SHLD2: variants seen among roughly 807,000 people sequenced by gnomAD.
The protein encoded by SHLD2 is RINN1-REV7-interacting novel NHEJ regulator 2.
Under a neutral mutation model 73.2 loss-of-function variants are expected in SHLD2, and 30 were observed. The observed-to-expected ratio is 0.41, with a 90% CI of 0.31 to 0.56. The LOEUF is 0.56. Among genes scored for constraint, SHLD2 ranks in the 20% least tolerant of loss-of-function variants. The probability of loss-of-function intolerance (pLI) is 0.28; values close to 1 mark genes in which losing one functional copy is unlikely to be tolerated. For missense variants in SHLD2, 745 were observed against 1,055.9 expected, an observed-to-expected ratio of 0.71 and a Z score of 4.08; for synonymous variants, 285 against 370.1, an observed-to-expected ratio of 0.77 and a Z score of 2.64.
At chr10:87,147,577 C>T (rs2258895) in intron 2 of SHLD2, among the ~76,000 whole-genome samples, 1 of 152,086 alleles carries the variant, frequency 6.6e-6, no homozygotes, top group Non-Finnish European at 1.5e-5. Flanking sequence ...ATGTCGTATA[C>T]ACCTTTTAAA....
At chr10:87,189,297 G>A (rs7902141) in intron 9 of SHLD2, among the ~76,000 whole-genome samples, 8,848 of 152,258 alleles carry the variant, frequency 0.058, 511 homozygotes, top group African/African-American at 0.16. Flanking sequence ...CACCGTGTCC[G>A]GCCTATCTCT....
At chr10:87,114,380 T>C (rs1212502628) in intron 2 of SHLD2, 1 of 152,222 alleles carries the variant, frequency 6.6e-6, no homozygotes, top group Non-Finnish European at 1.5e-5. Context: ...TTTAGCTTTC[T>C]CCTGGAGACT....
At chr10:87,098,973 A>C (rs1417754266) in intron 2 of SHLD2, among the ~76,000 whole-genome samples, 1 of 151,968 alleles carries the variant, frequency 6.6e-6, no homozygotes, top group Admixed American at 6.6e-5. Flanking sequence ...GTGGGGTTTC[A>C]CTATGTTGCC....
intron 2 of SHLD2, among the ~76,000 whole-genome samples, chr10:87,126,490 T>C (rs1844017966): frequency 6.6e-6 from 1 of 152,052 alleles, no homozygotes; most frequent in Admixed American, 6.6e-5. Context: ...TAACCTTCTG[T>C]ACTAACTAGA....
At chr10:87,164,419 A>G (rs1473235676) in intron 4 of SHLD2, among the ~76,000 whole-genome samples, 2 of 151,764 alleles carry the variant, frequency 1.3e-5, no homozygotes, top group African/African-American at 4.8e-5. Flanking sequence ...CGCCTGGCTA[A>G]TTTTTGTATT....
Position 87,158,060 on chromosome 10 carries a change from A to G in SHLD2, c.1538A>G (p.His513Arg), listed in dbSNP as rs376872876. ...DIILLTDVVI[H>R]EDQWIGETVL... ...TTTCTCTCTCTAGATGTTGTTATTCATGAGGACCAATGGATTGGCGAGACA... is the reference window on the plus strand; with the variant it reads ...TTTCTCTCTCTAGATGTTGTTATTCGTGAGGACCAATGGATTGGCGAGACA... The change falls in exon 4 of 10, where the codon CAT becomes CGT. Residue 513 changes from histidine to arginine, a missense_variant. This residue lies in a region of SHLD2 where 418 missense variants were observed against 567.8 expected (regional missense o/e 0.74). Transcript: ENST00000298786. The G allele has an allele frequency of 2.0e-4, 315 of 1,611,340 alleles. 2 individuals are homozygous for G. In the South Asian group the frequency reaches 3.1e-3, roughly 16 times the overall value.
chr10:87,137,601 G>A (rs553706474), intron 2 of SHLD2, among the ~76,000 whole-genome samples: 32 of 152,210 alleles, frequency 2.1e-4, no homozygotes, highest in African/African-American at 7.0e-4. Flanking sequence ...ATATGTAATT[G>A]GAGTTTCAGA....
intron 6 of SHLD2, among the ~76,000 whole-genome samples, chr10:87,174,984 G>A (rs943949441): frequency 1.8e-4 from 27 of 152,186 alleles, no homozygotes; most frequent in African/African-American, 6.3e-4. Flanking sequence ...GGGCGTGGTG[G>A]CGGGCGCCTG....
chr10:87,176,438 C>T (rs1249049612), intron 7 of SHLD2, among the ~76,000 whole-genome samples: 1 of 152,180 alleles, frequency 6.6e-6, no homozygotes, highest in Non-Finnish European at 1.5e-5. Context: ...GCATGAGCCA[C>T]CACACCCAGC....
At chr10:87,175,078 C>G (rs879347845) in intron 6 of SHLD2, among the ~76,000 whole-genome samples, 4 of 142,780 alleles carry the variant, frequency 2.8e-5, no homozygotes, top group African/African-American at 7.9e-5. Flanking sequence ...GATTGCGCCA[C>G]TGCGCTCCAG....
intron 2 of SHLD2, among the ~76,000 whole-genome samples, chr10:87,110,152 G>A (rs900454485): frequency 6.6e-6 from 1 of 152,030 alleles, no homozygotes; most frequent in African/African-American, 2.4e-5. Flanking sequence ...AGCTGAGCAT[G>A]TTGGCACACA....
chr10:87,154,493 G>C (rs1422770804), intron 3 of SHLD2: 1 of 151,454 alleles, frequency 6.6e-6, no homozygotes, highest in East Asian at 1.9e-4. Flanking sequence ...TGATTCTCCT[G>C]CCTCAGCCTC....
intron 2 of SHLD2, among the ~76,000 whole-genome samples, chr10:87,149,969 C>T (rs895904520): frequency 5.3e-5 from 8 of 152,030 alleles, no homozygotes; most frequent in South Asian, 4.2e-4. Context: ...AAGCTGGCCT[C>T]GAACTCCTGG....
chr10:87,170,221 G>C (rs1847496338), intron 4 of SHLD2, among the ~76,000 whole-genome samples: 1 of 152,170 alleles, frequency 6.6e-6, no homozygotes, highest in South Asian at 2.1e-4. Flanking sequence ...TATTAACAAA[G>C]TAAAGAAGTA....
chr10:87,180,493 A>G (rs1047616806), intron 8 of SHLD2, among the ~76,000 whole-genome samples, 190 bp downstream of exon 8: 1 of 152,176 alleles, frequency 6.6e-6, no homozygotes, highest in Non-Finnish European at 1.5e-5. Flanking sequence ...TTTCTTAAAG[A>G]TAGGAATTTC....
intron 2 of SHLD2, among the ~76,000 whole-genome samples, chr10:87,146,836 C>T (rs777464027): frequency 3.4e-3 from 483 of 142,598 alleles, no homozygotes; most frequent in South Asian, 4.7e-3. Context: ...GCAGGCGGAT[C>T]AGCTGAGGTT....
intron 4 of SHLD2, among the ~76,000 whole-genome samples, chr10:87,161,352 G>A (rs1846800681): frequency 6.6e-6 from 1 of 152,118 alleles, no homozygotes; most frequent in African/African-American, 2.4e-5. Context: ...GAGGTAAAAG[G>A]ATTGCTTGAG....
intron 2 of SHLD2, among the ~76,000 whole-genome samples, chr10:87,136,192 C>G (rs191906422): frequency 6.6e-6 from 1 of 151,914 alleles, no homozygotes; most frequent in African/African-American, 2.4e-5. Flanking sequence ...TCAAGTTGTT[C>G]CAGCTTTGGC....
intron 3 of SHLD2, among the ~76,000 whole-genome samples, chr10:87,153,309 C>T (rs748760236): frequency 2.6e-5 from 4 of 152,160 alleles, no homozygotes; most frequent in South Asian, 2.1e-4. Context: ...AGGAGGCTGA[C>T]GCGAGAGGAT....
Sources: gnomAD v4.1 joint callset for allele counts (sites outside exome capture counted in the v4.1 genomes callset) on GRCh38, gnomAD v4.1.1 for gene constraint, gnomAD v4.1.1 regional missense constraint, MANE v1.5 for transcripts, NCBI Gene and HGNC (gene_info 2026-07-23, HGNC 2026-07-21) for gene names.